GLI2: variants seen among roughly 807,000 people sequenced by gnomAD.
GLI2 encodes the protein GLI family zinc finger 2.
A neutral mutation model predicts 78.9 loss-of-function variants in GLI2; 22 were observed. That is an observed-to-expected ratio of 0.28 (90% CI 0.20 to 0.40). The LOEUF is 0.40. Ranked by LOEUF, GLI2 falls within the 10% of genes least tolerant of loss-of-function variation. GLI2 has a pLI of 1.00. For missense variants in GLI2, 2,097 were observed against 2,213.2 expected, an observed-to-expected ratio of 0.95 and a Z score of 1.05; for synonymous variants, 974 against 963.7, an observed-to-expected ratio of 1.01 and a Z score of -0.20.
At chr2:120,878,339 C>T (rs1242255329) in intron 2 of GLI2, among the ~76,000 whole-genome samples, 1 of 152,218 alleles carries the variant, frequency 6.6e-6, no homozygotes, top group Admixed American at 6.5e-5. Context: ...AAGCCCATCT[C>T]TTTATACAAA....
chr2:120,879,960 G>A (rs966357025), intron 2 of GLI2, among the ~76,000 whole-genome samples: 1 of 152,194 alleles, frequency 6.6e-6, no homozygotes, highest in Non-Finnish European at 1.5e-5. Flanking sequence ...TGCTCATATA[G>A]GGAAGTGTGT....
chr2:120,988,633 G>A lies in GLI2; in HGVS notation c.2668G>A (p.Gly890Ser). Residue 890 changes from glycine (G) to serine (S), a missense_variant, in exon 14 of 14, where the codon GGC becomes AGC. By Grantham distance (56) the Gly-to-Ser change is moderately conservative. This residue lies in a region of GLI2 where 1,290 missense variants were observed against 1,261.7 expected (regional missense o/e 1.02). Coordinates refer to ENST00000361492, the MANE Select transcript of GLI2 (RefSeq NM_001374353.1). Reference sequence around the variant, plus strand: ...CGGCCCCCCGCCCACTCCGCTGCCGGGCCTGGAGCGCATGAGCCTGCGGAC... The same window carrying A: ...CGGCCCCCCGCCCACTCCGCTGCCGAGCCTGGAGCGCATGAGCCTGCGGAC... Reference protein sequence around the residue: ...TGGPPPTPLPGLERMSLRTRL... With the variant: ...TGGPPPTPLPSLERMSLRTRL... The A allele has an allele frequency of 6.9e-7, 1 of 1,445,560 alleles. No homozygotes were observed. Among genetic ancestry groups the A allele is most frequent in the Non-Finnish European group, 9.1e-7 (1 of 1,104,472 alleles). The allele number at this position is 1,445,560 out of a possible 1,614,324, so 89.5% of individuals were successfully genotyped here. A position where few individuals can be genotyped will look rare whatever the true frequency, so the allele number is the denominator to read the frequency against.
At chr2:120,986,063 T>C (rs1307006825) in intron 12 of GLI2, among the ~76,000 whole-genome samples, 1 of 152,258 alleles carries the variant, frequency 6.6e-6, no homozygotes, top group Admixed American at 6.5e-5. Context: ...CATCTCATAG[T>C]TGGGGAAGCC....
At chr2:120,776,334 C>T (rs529512604) in intron 1 of GLI2, among the ~76,000 whole-genome samples, 1 of 152,364 alleles carries the variant, frequency 6.6e-6, no homozygotes, top group African/African-American at 2.4e-5. Flanking sequence ...TCCTTCCAGT[C>T]TGTCAGCTTC....
At chr2:120,934,469 G>A (rs969367808) in intron 3 of GLI2, among the ~76,000 whole-genome samples, 2 of 152,208 alleles carry the variant, frequency 1.3e-5, no homozygotes, top group Non-Finnish European at 2.9e-5. Context: ...TCTTGATCCT[G>A]AGCTGTAGTT....
Position 120,802,555 on chromosome 2 carries a change from T to C in GLI2, c.148+5087T>C, listed in dbSNP as rs190074726. On this transcript the variant is annotated intron_variant, in intron 2 of 13. Coordinates refer to ENST00000361492, the MANE Select transcript of GLI2 (RefSeq NM_001374353.1). ...TCAGATGTTTCTCATTGCTTTATAC[T>C]GAAACTGTCCAAATGCTGTTGTATT... is the stretch of plus-strand genomic sequence containing the variant. 5.1e-4 allele frequency among the ~76,000 whole-genome samples: 78 copies of C among 152,348 alleles called. 1 individual carries two copies. The highest frequency in any genetic ancestry group is 1.8e-3 in the African/African-American group (76 of 41,588).
intron 7 of GLI2, 28 bp downstream of exon 7, chr2:120,970,634 C>T: frequency 1.3e-6 from 2 of 1,552,186 alleles, no homozygotes; most frequent in Non-Finnish European, 1.8e-6. Context: ...CCAGGATGGC[C>T]ACTGGGTACT....
chr2:120,845,272 C>G (rs1479146729), intron 2 of GLI2, among the ~76,000 whole-genome samples: 1 of 151,708 alleles, frequency 6.6e-6, no homozygotes, highest in Non-Finnish European at 1.5e-5. Flanking sequence ...GACTCTGTCT[C>G]AAAAATATAA....
rs1683088869 is a variant in GLI2 at position 120,988,410 on chromosome 2, C to A, written c.2445C>A (p.Ser815Arg). ...CCGGCATCTCCCCCTACTTCTCCAG[C>A]CGCCGCTCCAGCGAGGCCTCGCCCC... is the stretch of plus-strand genomic sequence containing the variant. ...RSSGISPYFS[S>R]RRSSEASPLG... Residue 815 changes from serine (S) to arginine (R), a missense_variant, in exon 14 of 14, where the codon AGC (serine) becomes AGA (arginine). By Grantham distance (110) the Ser-to-Arg change is moderately radical. Transcript: ENST00000361492. 1 of 1,573,566 alleles carries A rather than the reference C, an allele frequency of 6.4e-7. No individual in the cohort carries two copies. The highest frequency in any genetic ancestry group is 8.5e-7 in the Non-Finnish European group (1 of 1,169,648).
chr2:120,866,526 T>C (rs968847796), intron 2 of GLI2: 10 of 152,222 alleles, frequency 6.6e-5, no homozygotes, highest in Non-Finnish European at 8.8e-5. Context: ...TAGAATGCCA[T>C]TGGGGTGACA....
intron 2 of GLI2, among the ~76,000 whole-genome samples, chr2:120,911,710 G>A (rs1000667016): frequency 2.0e-5 from 3 of 152,056 alleles, no homozygotes; most frequent in African/African-American, 4.8e-5. Flanking sequence ...AGGGAGTATC[G>A]TCTGCCTGCG....
chr2:120,736,446 A>G (rs1440023101), intron 1 of GLI2, among the ~76,000 whole-genome samples, 161 bp downstream of exon 1: 3 of 151,722 alleles, frequency 2.0e-5, no homozygotes, highest in African/African-American at 2.4e-5. Context: ...TCGGGGGACT[A>G]GAGGCTAGTA....
chr2:120,786,536 T>C (rs1218286428), intron 1 of GLI2, among the ~76,000 whole-genome samples: 1 of 149,218 alleles, frequency 6.7e-6, no homozygotes, highest in East Asian at 2.0e-4. Context: ...CAAAAAGCGC[T>C]TTTAAGAGAT....
At chr2:120,952,899 G>T (rs919507413) in intron 4 of GLI2, among the ~76,000 whole-genome samples, 2 of 152,236 alleles carry the variant, frequency 1.3e-5, no homozygotes, top group Non-Finnish European at 2.9e-5. Context: ...AGAGGACACA[G>T]GTCAGGTTCC....
intron 2 of GLI2, among the ~76,000 whole-genome samples, chr2:120,836,778 G>T (rs1370729484): frequency 6.6e-6 from 1 of 152,202 alleles, no homozygotes; most frequent in Non-Finnish European, 1.5e-5. Context: ...TCATTTAGAA[G>T]CCCAAGCCCA....
chr2:120,792,686 G>A (rs560223733), intron 1 of GLI2, among the ~76,000 whole-genome samples: 24 of 152,272 alleles, frequency 1.6e-4, no homozygotes, highest in Non-Finnish European at 2.6e-4. Flanking sequence ...GCAGTGGCGC[G>A]GTCTTGCCTC....
At chr2:120,923,019 T>G (rs1679457893) in intron 2 of GLI2, among the ~76,000 whole-genome samples, 1 of 151,796 alleles carries the variant, frequency 6.6e-6, no homozygotes, top group Non-Finnish European at 1.5e-5. Flanking sequence ...CTCAGGCCCC[T>G]CCTCCAACAC....
intron 2 of GLI2, among the ~76,000 whole-genome samples, chr2:120,882,314 T>G (rs1406973081): frequency 1.3e-5 from 2 of 151,782 alleles, no homozygotes; most frequent in Non-Finnish European, 2.9e-5. Flanking sequence ...AGGGAAGGAG[T>G]GAAGGTGGTG....
chr2:120,928,489 C>T (rs1198320110), intron 3 of GLI2, among the ~76,000 whole-genome samples: 1 of 152,220 alleles, frequency 6.6e-6, no homozygotes, highest in Non-Finnish European at 1.5e-5. Context: ...CAGCTCTGAG[C>T]TCTCCTCTCA....
Sources: gnomAD v4.1 joint callset for allele counts (sites outside exome capture counted in the v4.1 genomes callset) on GRCh38, gnomAD v4.1.1 for gene constraint, gnomAD v4.1.1 regional missense constraint, MANE v1.5 for transcripts, NCBI Gene and HGNC (gene_info 2026-07-23, HGNC 2026-07-21) for gene names.